CNTNAP5: variants seen among roughly 807,000 people sequenced by gnomAD.
The protein encoded by CNTNAP5 is contactin associated protein family member 5.
A neutral mutation model predicts 150.2 loss-of-function variants in CNTNAP5; 72 were observed. That is an observed-to-expected ratio of 0.48 (90% confidence interval 0.40 to 0.58). The LOEUF (loss-of-function observed/expected upper bound fraction) is 0.58, where lower values mean the gene tolerates loss of function less well. Among genes scored for constraint, CNTNAP5 ranks in the 20% least tolerant of loss-of-function variants. CNTNAP5 has a pLI of 0.00. For missense variants in CNTNAP5, 1,636 were observed against 1,626.2 expected, an observed-to-expected ratio of 1.01 and a Z score of -0.10; for synonymous variants, 672 against 619.8, an observed-to-expected ratio of 1.08 and a Z score of -1.25.
At chr2:124,382,174 T>C (rs959204985) in intron 3 of CNTNAP5, among the ~76,000 whole-genome samples, 2 of 152,116 alleles carry the variant, frequency 1.3e-5, no homozygotes, top group African/African-American at 2.4e-5. Context: ...AAGCCATCAA[T>C]GTGGCTAGGC....
chr2:124,411,717 T>C (rs1318402922), intron 3 of CNTNAP5, among the ~76,000 whole-genome samples: 1 of 83,998 alleles, frequency 1.2e-5, no homozygotes, highest in East Asian at 2.8e-4. Flanking sequence ...TAGGTATTGA[T>C]GGGACGTATT....
chr2:124,599,632 A>T (rs985726118), intron 11 of CNTNAP5, among the ~76,000 whole-genome samples: 1 of 152,210 alleles, frequency 6.6e-6, no homozygotes, highest in Non-Finnish European at 1.5e-5. Flanking sequence ...GGAGAAATAG[A>T]AGTACCAGTG....
At chr2:124,163,806 T>G (rs561626746) in intron 1 of CNTNAP5, among the ~76,000 whole-genome samples, 2 of 152,052 alleles carry the variant, frequency 1.3e-5, no homozygotes, top group Non-Finnish European at 2.9e-5. Flanking sequence ...TCTTCTTCCA[T>G]GAAGAACAAA....
At chr2:124,221,398 T>G (rs1365023046) in intron 1 of CNTNAP5, among the ~76,000 whole-genome samples, 2 of 152,100 alleles carry the variant, frequency 1.3e-5, no homozygotes, top group Non-Finnish European at 2.9e-5. Context: ...TGTAGCTAGT[T>G]GGGTTTTTGA....
At chr2:124,376,037 A>C (rs539281251) in intron 3 of CNTNAP5, among the ~76,000 whole-genome samples, 2 of 152,094 alleles carry the variant, frequency 1.3e-5, no homozygotes, top group Non-Finnish European at 2.9e-5. Flanking sequence ...TATATTTTTC[A>C]TAAGAACTGA....
intron 10 of CNTNAP5, among the ~76,000 whole-genome samples, chr2:124,537,392 G>C (rs936138460): frequency 6.6e-6 from 1 of 152,106 alleles, no homozygotes; most frequent in African/African-American, 2.4e-5. Flanking sequence ...GGAACACCTC[G>C]GTGCCTCACG....
At chr2:124,631,292 G>C (rs1004742852) in intron 12 of CNTNAP5, among the ~76,000 whole-genome samples, 4 of 151,942 alleles carry the variant, frequency 2.6e-5, no homozygotes, top group African/African-American at 9.7e-5. Flanking sequence ...AAAGAACAAA[G>C]CTGGAGGTAT....
intron 10 of CNTNAP5, among the ~76,000 whole-genome samples, chr2:124,552,811 A>G (rs1035462177): frequency 4.6e-5 from 7 of 152,118 alleles, no homozygotes; most frequent in Non-Finnish European, 8.8e-5. Context: ...ACCGGTAACC[A>G]CTGTTAACAG....
At chr2:124,747,958 G>T (rs1383924246) in intron 14 of CNTNAP5, among the ~76,000 whole-genome samples, 1 of 151,466 alleles carries the variant, frequency 6.6e-6, no homozygotes, top group Non-Finnish European at 1.5e-5. Flanking sequence ...CTTATATTCA[G>T]AACTTCCCAT....
intron 19 of CNTNAP5, among the ~76,000 whole-genome samples, chr2:124,859,627 C>G (rs190637050): frequency 6.6e-6 from 1 of 152,264 alleles, no homozygotes; most frequent in African/African-American, 2.4e-5. Context: ...TATTGCAGCA[C>G]TATTCACAAT....
At chr2:124,832,530 A>G (rs1361229930) in intron 19 of CNTNAP5, among the ~76,000 whole-genome samples, 1 of 152,120 alleles carries the variant, frequency 6.6e-6, no homozygotes, top group Non-Finnish European at 1.5e-5. Flanking sequence ...ACTTTATTTG[A>G]CCCAATAGGT....
chr2:124,452,444 T>C (rs553661621), intron 6 of CNTNAP5, among the ~76,000 whole-genome samples: 51 of 152,210 alleles, frequency 3.4e-4, no homozygotes, highest in Non-Finnish European at 6.2e-4. Context: ...CACCTAATGG[T>C]CCTTCTCTAC....
intron 3 of CNTNAP5, among the ~76,000 whole-genome samples, chr2:124,367,706 G>C (rs535028996): frequency 1.8e-4 from 27 of 152,298 alleles, no homozygotes; most frequent in African/African-American, 5.5e-4. Context: ...GAGGTTTAAA[G>C]TGTACTCCAT....
intron 19 of CNTNAP5, among the ~76,000 whole-genome samples, chr2:124,844,917 A>G (rs938266159): frequency 3.9e-5 from 6 of 152,074 alleles, no homozygotes; most frequent in Non-Finnish European, 5.9e-5. Context: ...ATCATCAGCA[A>G]ATAGTGACAG....
chr2:124,746,145 T>A (rs1381912502), intron 13 of CNTNAP5, among the ~76,000 whole-genome samples: 2 of 152,190 alleles, frequency 1.3e-5, no homozygotes, highest in African/African-American at 4.8e-5. Context: ...TAAGCACATG[T>A]TAAGCACCTG....
chr2:124,086,430 C>G (rs1198933224), intron 1 of CNTNAP5, among the ~76,000 whole-genome samples: 1 of 151,396 alleles, frequency 6.6e-6, no homozygotes, highest in Non-Finnish European at 1.5e-5. Context: ...GTCTCGATCT[C>G]CTGACCTCGT....
At chr2:124,902,745 G>T (rs909899021) in intron 21 of CNTNAP5, 137 bp from the exon 22 acceptor site, 2 of 551,322 alleles carry the variant, frequency 3.6e-6, no homozygotes, top group African/African-American at 1.9e-5. Context: ...AAGAGAGATA[G>T]ATAGGGGAGG....
chr2:124,267,111 T>G (rs1452145694), intron 3 of CNTNAP5, among the ~76,000 whole-genome samples: 1 of 152,154 alleles, frequency 6.6e-6, no homozygotes, highest in African/African-American at 2.4e-5. Flanking sequence ...TTTTAAAGAC[T>G]GCCTGCCCCT....
intron 3 of CNTNAP5, among the ~76,000 whole-genome samples, chr2:124,340,481 A>G (rs546612763): frequency 1.3e-5 from 2 of 152,226 alleles, no homozygotes; most frequent in South Asian, 4.1e-4. Context: ...AATGTGCCCA[A>G]ATAATATACC....
Sources: gnomAD v4.1 joint callset for allele counts (sites outside exome capture counted in the v4.1 genomes callset) on GRCh38, gnomAD v4.1.1 for gene constraint, MANE v1.5 for transcripts, NCBI Gene and HGNC (gene_info 2026-07-23, HGNC 2026-07-21) for gene names.